C5: variants seen among roughly 807,000 people sequenced by gnomAD.
The protein encoded by C5 is C3 and PZP-like alpha-2-macroglobulin domain-containing protein 4.
Under a neutral mutation model 218.8 loss-of-function variants are expected in C5, and 140 were observed. The observed-to-expected ratio is 0.64, with a 90% CI of 0.56 to 0.74. C5 has a LOEUF of 0.74. Among genes scored for constraint, C5 ranks in the 30% least tolerant of loss-of-function variants. The probability of loss-of-function intolerance (pLI) is 0.00; values close to 1 mark genes in which losing one functional copy is unlikely to be tolerated. For synonymous variants in C5, 614 were observed against 682.3 expected (o/e 0.90, Z 1.56); for missense variants, 1,700 against 1,969.6 (o/e 0.86, Z 2.59).
At chr9:121,061,655 A>T in the C5 span, among the ~76,000 whole-genome samples, 1 of 152,238 alleles carries the variant, frequency 6.6e-6, no homozygotes, top group Non-Finnish European at 1.5e-5. Flanking sequence ...AATAACTTTA[A>T]TTATTGGCAT....
the C5 span, among the ~76,000 whole-genome samples, chr9:121,069,840 T>C: frequency 6.6e-6 from 1 of 152,182 alleles, no homozygotes; most frequent in South Asian, 2.1e-4. Context: ...ACACTGTTGG[T>C]GGAATGTAAA....
chr9:120,980,244 G>T lies in C5; in HGVS notation c.3497C>A (p.Thr1166Lys). Residue 1166 changes from threonine to lysine, a missense_variant, in exon 28 of 41, where the codon ACA (threonine) becomes AAA (lysine). By Grantham distance (78) the Thr-to-Lys change is moderately conservative (BLOSUM62 -1). Transcript: ENST00000223642. ...AAAGTTGTCAGCTTTAATTAGAGCT[G>T]TGTCGATTTTCTGGAAACAAGAGAA... is the stretch of plus-strand genomic sequence containing the variant. ...FDICPLVKIDTALIKADNFLL... is the reference protein window; with the variant it reads ...FDICPLVKIDKALIKADNFLL... 6.2e-7 allele frequency: 1 copy of T among 1,614,104 alleles called. No individual in the cohort carries two copies. The highest frequency in any genetic ancestry group is 2.2e-5 in the East Asian group (1 of 44,880).
upstream of C5, among the ~76,000 whole-genome samples, chr9:121,053,715 C>T (rs763153251): frequency 1.3e-5 from 2 of 152,090 alleles, no homozygotes; most frequent in South Asian, 2.1e-4. Context: ...AAAGAGAATC[C>T]GTGTGCTTGG....
chr9:121,051,703 G>C (rs2047672481), upstream of C5, among the ~76,000 whole-genome samples: 1 of 152,094 alleles, frequency 6.6e-6, no homozygotes, highest in Non-Finnish European at 1.5e-5. Flanking sequence ...GGGAAAAAAG[G>C]AGCACAAAGG....
chr9:121,060,137 T>A, the C5 span, among the ~76,000 whole-genome samples: 622 of 152,356 alleles, frequency 4.1e-3, 2 homozygotes, highest in African/African-American at 0.014. Context: ...CCCAAATAGG[T>A]CCTTGCTCCT....
intron 17 of C5, among the ~76,000 whole-genome samples, chr9:121,009,048 T>G (rs2131744155): frequency 6.6e-6 from 1 of 152,332 alleles, no homozygotes; most frequent in South Asian, 2.1e-4. Context: ...TGCTAAATGT[T>G]TAGTATTCCT....
Position 121,034,800 on chromosome 9 carries a change from T to C in C5, c.584+3A>G, listed in dbSNP as rs773821585. ...GGTTTTATTAACAACTATTTTTACATACCTAGGATTAGACGGAATCTTGAA... is the reference window on the plus strand; with the variant it reads ...GGTTTTATTAACAACTATTTTTACACACCTAGGATTAGACGGAATCTTGAA... On this transcript the variant is annotated splice_donor_region_variant and intron_variant, in intron 5 of 40. Coordinates refer to ENST00000223642, the MANE Select transcript of C5 (RefSeq NM_001735.3). The C allele has an allele frequency of 1.7e-5, 26 of 1,487,582 alleles. No homozygotes were observed. The Middle Eastern group carries it at 5.1e-4, about 29-fold the overall frequency. 92.1% of individuals were successfully genotyped at this position (1,487,582 alleles called of 1,614,324 possible). A position where few individuals can be genotyped will look rare whatever the true frequency, so the allele number is the denominator to read the frequency against.
chr9:121,031,979 C>T (rs2047478969), intron 6 of C5, 134 bp downstream of exon 6: 4 of 562,922 alleles, frequency 7.1e-6, no homozygotes, highest in Non-Finnish European at 1.3e-5. Flanking sequence ...CAGAGAATTG[C>T]TTGAACCCAG....
intron 20 of C5, among the ~76,000 whole-genome samples, chr9:121,000,269 C>T (rs2047150559): frequency 6.6e-6 from 1 of 151,748 alleles, no homozygotes; most frequent in African/African-American, 2.4e-5. Context: ...ATATGAAAAC[C>T]CTATTATAAT....
chr9:120,975,352 A>G (rs1009050087), intron 29 of C5, among the ~76,000 whole-genome samples: 3 of 152,044 alleles, frequency 2.0e-5, no homozygotes, highest in Non-Finnish European at 4.4e-5. Flanking sequence ...CATTCATCTC[A>G]ATTTGTAATG....
intron 20 of C5, chr9:120,999,718 AT>A: frequency 4.3e-6 from 1 of 234,502 alleles, no homozygotes; most frequent in Non-Finnish European, 8.6e-6. Flanking sequence ...TCAATCCAAA[AT>A]TACTAGATAA....
intron 12 of C5, 69 bp downstream of exon 12, chr9:121,019,907 C>T: frequency 2.1e-6 from 2 of 968,566 alleles, no homozygotes; most frequent in East Asian, 2.4e-5. Flanking sequence ...AATTCTAATG[C>T]CTCTCTAGAG....
At chr9:121,045,108 G>A (rs942222087) in intron 2 of C5, among the ~76,000 whole-genome samples, 6 of 151,990 alleles carry the variant, frequency 3.9e-5, no homozygotes, top group African/African-American at 1.4e-4. Context: ...TGCCATAAAA[G>A]TAACACTTTT....
chr9:120,991,286 A>C lies in C5; in HGVS notation c.2852-6T>G, dbSNP rs1460564536. ...CTTTCGTCTGCTAATGGTACCTGTA[A>C]TTTAGAAAATTTGGATTTATACAGA... On this transcript the variant is annotated splice_polypyrimidine_tract_variant and splice_region_variant and intron_variant, in intron 22 of 40. Transcript: ENST00000223642. 1 of 1,555,656 alleles carries C rather than the reference A, an allele frequency of 6.4e-7. No homozygotes were observed. The highest frequency in any genetic ancestry group is 1.4e-5 in the African/African-American group (1 of 73,786).
the C5 span, among the ~76,000 whole-genome samples, chr9:121,065,340 G>A: frequency 1.3e-5 from 2 of 152,114 alleles, no homozygotes; most frequent in Non-Finnish European, 2.9e-5. Flanking sequence ...AGAAAATTGC[G>A]GAGAAAATTG....
At chr9:121,043,898 G>C (rs1269443902) in intron 2 of C5, among the ~76,000 whole-genome samples, 2 of 151,724 alleles carry the variant, frequency 1.3e-5, no homozygotes, top group African/African-American at 4.8e-5. Context: ...CTGCTCCCCT[G>C]AGTTGAGATG....
chr9:121,022,388 A>G (rs2047373834), intron 10 of C5, among the ~76,000 whole-genome samples: 1 of 149,530 alleles, frequency 6.7e-6, no homozygotes, highest in Non-Finnish European at 1.5e-5. Context: ...TATGTTCTAT[A>G]TAATATTGCT....
chr9:121,009,637 G>T (rs1392028195), intron 17 of C5, among the ~76,000 whole-genome samples: 1 of 152,170 alleles, frequency 6.6e-6, no homozygotes, highest in Admixed American at 6.5e-5. Flanking sequence ...CTTTCCTGTT[G>T]GTACACTAAA....
the C5 span, among the ~76,000 whole-genome samples, chr9:121,068,792 T>G: frequency 6.6e-6 from 1 of 152,088 alleles, no homozygotes; most frequent in Non-Finnish European, 1.5e-5. Flanking sequence ...GCCAGACAAA[T>G]GAAACAGCAT....
Sources: allele counts gnomAD v4.1 joint callset (sites outside exome capture counted in the v4.1 genomes callset), GRCh38; gene constraint gnomAD v4.1.1; transcripts MANE v1.5; gene names NCBI Gene and HGNC (gene_info 2026-07-23, HGNC 2026-07-21).